The following AARS1 variants were observed in gnomAD, a reference collection of about 807,000 sequenced individuals.
AARS1 encodes the protein alanyl-tRNA synthetase 1.
Under a neutral mutation model 108.9 loss-of-function variants are expected in AARS1, and 72 were observed. That is an observed-to-expected ratio of 0.66 (90% CI 0.55 to 0.80). AARS1 has a LOEUF of 0.80. AARS1 is among the 30% of genes least tolerant of loss of function. AARS1 has a pLI of 0.00. For synonymous variants in AARS1, 489 were observed against 465.7 expected (o/e 1.05, Z -0.64); for missense variants, 1,193 against 1,233.2 (o/e 0.97, Z 0.49).
intron 2 of AARS1, among the ~76,000 whole-genome samples, chr16:70,279,994 C>T (rs1186314484): frequency 6.6e-6 from 1 of 152,116 alleles, no homozygotes; most frequent in Admixed American, 6.6e-5. Flanking sequence ...AGCAATACTC[C>T]CACCTCAGCC....
At chr16:70,279,576 C>G (rs1209900580) in intron 2 of AARS1, among the ~76,000 whole-genome samples, 1 of 147,630 alleles carries the variant, frequency 6.8e-6, no homozygotes, top group African/African-American at 2.5e-5. Context: ...AGGAGAATCG[C>G]TTGAATCCAG....
rs530514620 is a variant in AARS1 at position 70,275,534 on chromosome 16, A to G, written c.479+952T>C. Among the ~76,000 whole-genome samples the G allele has an allele frequency of 2.6e-3, 398 of 151,018 alleles. 2 individuals are homozygous for G. The highest frequency in any genetic ancestry group is 4.3e-3 in the Non-Finnish European group (292 of 67,826). ...TCCCAGCACTTTGGGAGGCCGAGGC[A>G]GGCGGATCACGAGGTCAGGAGATCG... On this transcript the variant is annotated intron_variant, in intron 4 of 20. Coordinates refer to ENST00000261772, the MANE Select transcript of AARS1 (RefSeq NM_001605.3).
chr16:70,282,141 G>A (rs1419659692), intron 2 of AARS1, among the ~76,000 whole-genome samples: 1 of 150,954 alleles, frequency 6.6e-6, no homozygotes, highest in African/African-American at 2.4e-5. Flanking sequence ...GACAGAGCAA[G>A]ACTCCGTCTC....
intron 2 of AARS1, among the ~76,000 whole-genome samples, chr16:70,280,178 A>C (rs1231535700): frequency 1.3e-5 from 2 of 152,132 alleles, no homozygotes; most frequent in Non-Finnish European, 2.9e-5. Flanking sequence ...TGGCCTCCCA[A>C]AATGCTGGAA....
At chr16:70,270,148 C>T (rs749796020) in intron 6 of AARS1, 48 bp downstream of exon 6, 26 of 1,610,322 alleles carry the variant, frequency 1.6e-5, no homozygotes, top group Non-Finnish European at 2.2e-5. Flanking sequence ...AAGAGTACAG[C>T]CTGGAAAACT....
Position 70,252,822 on chromosome 16 carries a change from C to G in AARS1, c.2806G>C (p.Val936Leu). The change falls in exon 21 of 21, where the codon GTG becomes CTG. Residue 936 changes from valine to leucine, a missense_variant. Val to Leu is a conservative substitution (Grantham distance 32). Transcript: ENST00000261772. The stretch of plus-strand genomic sequence containing the variant: ...TTCTTGCCTGTGGCCTGTGCAGACA[C>G]ATCCTTGCCACCACCTTTACCGTCC... The part of the protein sequence containing the change: ...LMDGKGGGKD[V>L]SAQATGKNVG... The G allele has an allele frequency of 6.2e-7, 1 of 1,614,220 alleles. No homozygotes were observed. Among genetic ancestry groups the G allele is most frequent in the South Asian group, 1.1e-5 (1 of 91,086 alleles).
At chr16:70,283,849 G>A (rs1013106576) in intron 1 of AARS1, among the ~76,000 whole-genome samples, 1 of 152,200 alleles carries the variant, frequency 6.6e-6, no homozygotes, top group Admixed American at 6.6e-5. Flanking sequence ...CCCCACTTTG[G>A]AGGCACAGCT....
At chr16:70,257,994 G>A in intron 15 of AARS1, 39 bp downstream of exon 15, 4 of 1,609,120 alleles carry the variant, frequency 2.5e-6, no homozygotes, top group Non-Finnish European at 3.4e-6. Context: ...GAGGATGAAG[G>A]TAGATGACCT....
intron 2 of AARS1, among the ~76,000 whole-genome samples, chr16:70,279,876 T>A (rs1323828372): frequency 6.6e-6 from 1 of 151,850 alleles, no homozygotes; most frequent in African/African-American, 2.4e-5. Context: ...GACTCACACA[T>A]AACTGAAAAT....
At chr16:70,254,514 C>T in intron 17 of AARS1, 107 bp downstream of exon 17, 1 of 817,842 alleles carries the variant, frequency 1.2e-6, no homozygotes, top group Non-Finnish European at 2.1e-6. Flanking sequence ...GCCCAAAGGC[C>T]CATTCCACCA....
intron 1 of AARS1, among the ~76,000 whole-genome samples, chr16:70,288,299 T>C (rs1263570688): frequency 1.3e-5 from 2 of 149,516 alleles, no homozygotes; most frequent in Non-Finnish European, 3.0e-5. Flanking sequence ...TTGGTAGAGA[T>C]GGGGTTTCAC....
Position 70,263,570 on chromosome 16 carries a change from C to CA in AARS1, c.1493-1047dup, listed in dbSNP as rs111539662. 2.9e-3 allele frequency among the ~76,000 whole-genome samples: 354 copies of CA among 122,182 alleles called. 2 individuals carry two copies. The highest frequency in any genetic ancestry group is 6.0e-3 in the African/African-American group (203 of 33,570). 80.2% of individuals were successfully genotyped at this position (122,182 alleles called of 152,430 possible). On this transcript the variant is annotated intron_variant, in intron 11 of 20. Coordinates refer to ENST00000261772, the MANE Select transcript of AARS1 (RefSeq NM_001605.3). ...TGGGTGACAGAGCGAAACTCCATCT[C>CA]AAAAAAAAAAAAAAGATTGTTCTCT...
At chr16:70,259,992 G>C (rs1037830931) in intron 13 of AARS1, among the ~76,000 whole-genome samples, 3 of 152,172 alleles carry the variant, frequency 2.0e-5, no homozygotes, top group East Asian at 1.9e-4. Context: ...GGCTGGTCTC[G>C]AACTCCCGAC....
At chr16:70,281,580 C>G (rs1218830454) in intron 2 of AARS1, among the ~76,000 whole-genome samples, 1 of 152,106 alleles carries the variant, frequency 6.6e-6, no homozygotes, top group African/African-American at 2.4e-5. Context: ...GCAGGAGAAT[C>G]GCTTGAACTC....
At position 70,259,070 on chromosome 16, in the gene AARS1, G is replaced by A. The variant is rs2152154407; in HGVS notation, c.1902C>T (p.Leu634=). 12 of 1,614,156 alleles carry A rather than the reference G, an allele frequency of 7.4e-6. No individual in the cohort carries two copies. Among genetic ancestry groups the A allele is most frequent in the Non-Finnish European group, 1.0e-5 (12 of 1,180,028 alleles). Residue 634 remains leucine, a synonymous_variant, in exon 14 of 21, where the codon CTC becomes CTT. Coordinates refer to ENST00000261772, the MANE Select transcript of AARS1 (RefSeq NM_001605.3). ...CTCCCTTGGCAGTAAAGTCAAATCTGAGGCGGTCAGGAGCAACCAATGAGC... is the reference window on the plus strand; with the variant it reads ...CTCCCTTGGCAGTAAAGTCAAATCTAAGGCGGTCAGGAGCAACCAATGAGC... ...QKGSLVAPDR[L]RFDFTAKGAM...
intron 17 of AARS1, 26 bp from the exon 18 acceptor site, chr16:70,254,064 A>G (rs1280454675): frequency 1.9e-6 from 3 of 1,613,070 alleles, no homozygotes; most frequent in African/African-American, 2.7e-5. Context: ...GACCATCTCA[A>G]TCTGGGCCAC....
In AARS1 at chr16:70,252,900, C is replaced by G; in HGVS notation, c.2728G>C (p.Ala910Pro). The part of the protein sequence containing the change: ...TCLCQVPQNA[A>P]NRGLKASEWV... ...TCGCTGGCTTTTAAGCCCCGATTGG[C>G]TGCATTCTAGAAGACAGGAAGGGAA... The change falls in exon 21 of 21, where the codon GCC (alanine) becomes CCC (proline). Residue 910 changes from alanine to proline, a missense_variant. Coordinates refer to ENST00000261772, the MANE Select transcript of AARS1 (RefSeq NM_001605.3). 6.2e-7 allele frequency: 1 copy of G among 1,614,180 alleles called. No homozygotes were observed. The highest frequency in any genetic ancestry group is 8.5e-7 in the Non-Finnish European group (1 of 1,180,030).
At chr16:70,260,129 G>A (rs1476246476) in intron 13 of AARS1, among the ~76,000 whole-genome samples, 2 of 152,202 alleles carry the variant, frequency 1.3e-5, no homozygotes, top group East Asian at 3.8e-4. Context: ...GTCAATGGCT[G>A]CTTGAACACT....
intron 1 of AARS1, among the ~76,000 whole-genome samples, chr16:70,289,074 A>G (rs547636621): frequency 2.8e-4 from 43 of 152,246 alleles, no homozygotes; most frequent in African/African-American, 9.9e-4. Context: ...GTTAATTTTA[A>G]GAAATCAAGG....
Sources: gnomAD v4.1 joint callset for allele counts (sites outside exome capture counted in the v4.1 genomes callset) on GRCh38, gnomAD v4.1.1 for gene constraint, MANE v1.5 for transcripts, NCBI Gene and HGNC (gene_info 2026-07-23, HGNC 2026-07-21) for gene names.